PLK5: variants seen among roughly 807,000 people sequenced by gnomAD.
PLK5 encodes the protein polo like kinase 5 (inactive).
In PLK5, 28 loss-of-function variants were observed where a neutral mutation model predicts 33.7. The observed-to-expected ratio is 0.83, with a 90% CI of 0.62 to 1.14. The LOEUF is 1.14. PLK5 is among the 50% of genes most tolerant of loss of function. The pLI is 0.00. For missense variants in PLK5, 492 were observed against 461.5 expected (o/e 1.07, Z -0.61); for synonymous variants, 225 against 202.2 (o/e 1.11, Z -0.96).
chr19:1,528,442 C>T lies in PLK5; in HGVS notation c.328+14C>T, dbSNP rs1913812590. The T allele has an allele frequency of 1.3e-6, 2 of 1,526,688 alleles. No individual in the cohort carries two copies. Among genetic ancestry groups the T allele is most frequent in the South Asian group, 2.4e-5 (2 of 83,032 alleles). The allele number at this position is 1,526,688 out of a possible 1,614,324, so 94.6% of individuals were successfully genotyped here. Reference sequence around the variant, plus strand: ...GCCGGCCACCCTGTAAGTACCACCCCCGCCCACACCTGCCCAACACCTGCC... The same window carrying T: ...GCCGGCCACCCTGTAAGTACCACCCTCGCCCACACCTGCCCAACACCTGCC... On this transcript the variant is annotated intron_variant, in intron 8 of 13. Transcript: ENST00000454744.
intron 13 of PLK5, among the ~76,000 whole-genome samples, chr19:1,534,246 C>A (rs1322000230): frequency 6.6e-6 from 1 of 151,952 alleles, no homozygotes; most frequent in Admixed American, 6.6e-5. Flanking sequence ...CTGTGGTCCA[C>A]ACCTCTAATC....
At chr19:1,533,552 T>C (rs1402435813) in intron 12 of PLK5, among the ~76,000 whole-genome samples, 2 of 152,050 alleles carry the variant, frequency 1.3e-5, no homozygotes, top group Non-Finnish European at 2.9e-5. Flanking sequence ...GTGGACCAGC[T>C]GTCAGCTGAG....
rs950364003 is a variant in PLK5 at position 1,524,563 on chromosome 19, C to T, written c.-544+317C>T. Reference sequence around the variant, plus strand: ...AGGGTCTGAGTGTGCCGCGTCTGTGCCCGCTGCTTCCAAGTGTCTGGGTGC... The same window carrying T: ...AGGGTCTGAGTGTGCCGCGTCTGTGTCCGCTGCTTCCAAGTGTCTGGGTGC... On this transcript the variant is annotated intron_variant, in intron 1 of 13. Transcript: ENST00000454744. This position sits in a 1 kb window ranked among gnomAD's most constrained non-coding sequence, Gnocchi z 4.5. Among the ~76,000 whole-genome samples the T allele has an allele frequency of 6.6e-6, 1 of 151,840 alleles. No homozygotes were observed. The highest frequency in any genetic ancestry group is 1.5e-5 in the Non-Finnish European group (1 of 67,982).
chr19:1,525,021 T>C (rs1805366589), intron 1 of PLK5: 1 of 153,056 alleles, frequency 6.5e-6, no homozygotes, highest in South Asian at 2.1e-4. Context: ...TGTTTGTGTG[T>C]CGTATTCAGG....
At chr19:1,531,004 A>C (rs1913912713) in intron 11 of PLK5, among the ~76,000 whole-genome samples, 1 of 152,008 alleles carries the variant, frequency 6.6e-6, no homozygotes, top group South Asian at 2.1e-4. Context: ...AGGAAGGAGG[A>C]TCACTTGAGC....
In PLK5 at chr19:1,524,850, TTGTG is replaced by T. The variant is rs1363849071; in HGVS notation, c.-543-451_-543-448del. ...GTCCAGGTGTTGTGTGTTCATGTGT[TTGTG>T]TGTTCCTGTGCTGTGTCTGGGTATT... is the stretch of plus-strand genomic sequence containing the variant. On this transcript the variant is annotated intron_variant, in intron 1 of 13. Coordinates refer to ENST00000454744, the MANE Select transcript of PLK5 (RefSeq NM_001243079.2). This position sits in a 1 kb window ranked among gnomAD's most constrained non-coding sequence, Gnocchi z 4.5. The T allele has an allele frequency of 6.5e-6, 1 of 152,954 alleles. No individual in the cohort carries two copies. Among genetic ancestry groups the T allele is most frequent in the Non-Finnish European group, 1.5e-5 (1 of 68,554 alleles). 9.5% of individuals were successfully genotyped at this position (152,954 alleles called of 1,614,324 possible). A position where few individuals can be genotyped will look rare whatever the true frequency, so the allele number is the denominator to read the frequency against.
chr19:1,531,792 T>C lies in PLK5; in HGVS notation c.623T>C (p.Val208Ala). The stretch of plus-strand genomic sequence containing the variant: ...CCCATCCTCTGGGCCCCCAAATGGG[T>C]GGATTATTCCAGCAAATACGGCTTT... ...QQPILWAPKW[V>A]DYSSKYGFGY... Residue 208 changes from valine (V) to alanine (A), a missense_variant, in exon 12 of 14, where the codon GTG (valine) becomes GCG (alanine). Coordinates refer to ENST00000454744, the MANE Select transcript of PLK5 (RefSeq NM_001243079.2). 1 of 1,535,270 alleles carries C rather than the reference T, an allele frequency of 6.5e-7. No individual in the cohort carries two copies. The highest frequency in any genetic ancestry group is 8.7e-7 in the Non-Finnish European group (1 of 1,146,490).
chr19:1,533,937 A>G lies in PLK5; in HGVS notation c.721A>G (p.Thr241Ala), dbSNP rs1398348590. Residue 241 changes from threonine (T) to alanine (A), a missense_variant, in exon 13 of 14, where the codon ACC becomes GCC. By Grantham distance (58) the Thr-to-Ala change is moderately conservative (BLOSUM62 0). Coordinates refer to ENST00000454744, the MANE Select transcript of PLK5 (RefSeq NM_001243079.2). ...CAGCCGAGTCTGTCCACAGGAGGGG[A>G]CCCTCCCCACACCTGTGCCACCTGC... Reference protein sequence around the residue: ...HGPATPRREGTLPTPVPPAGP... With the variant: ...HGPATPRREGALPTPVPPAGP... 2.0e-6 allele frequency: 3 copies of G among 1,532,688 alleles called. No individual in the cohort carries two copies. The East Asian group carries it at 7.3e-5, about 38-fold the overall frequency. The allele number at this position is 1,532,688 out of a possible 1,614,324, so 94.9% of individuals were successfully genotyped here.
At chr19:1,533,643 CA>C (rs1913997264) in intron 12 of PLK5, 1 of 546,392 alleles carries the variant, frequency 1.8e-6, no homozygotes, top group African/African-American at 1.9e-5. Context: ...GCCACCATTC[CA>C]GGGGGTGTAG....
At chr19:1,528,196 A>G in intron 7 of PLK5, 62 bp downstream of exon 7, 1 of 1,531,154 alleles carries the variant, frequency 6.5e-7, no homozygotes, top group South Asian at 1.2e-5. Flanking sequence ...GATGAGCCAG[A>G]GCCTGCCCTG....
At chr19:1,533,040 TGGGA>T (rs1010935037) in intron 12 of PLK5, among the ~76,000 whole-genome samples, 3 of 150,342 alleles carry the variant, frequency 2.0e-5, no homozygotes, top group African/African-American at 7.4e-5. Flanking sequence ...ATGGCTGAGG[TGGGA>T]GGATCACTTG....
chr19:1,527,108 G>C, intron 6 of PLK5, 110 bp downstream of exon 6: 3 of 1,191,364 alleles, frequency 2.5e-6, no homozygotes, highest in Non-Finnish European at 3.5e-6. Flanking sequence ...GGGGCGCGTG[G>C]AACAGGCACC....
intron 11 of PLK5, 29 bp downstream of exon 11, chr19:1,529,853 C>T: frequency 6.5e-7 from 1 of 1,527,150 alleles, no homozygotes; most frequent in Non-Finnish European, 8.8e-7. Context: ...CCCAGGATCA[C>T]CTTTACTCTT....
intron 11 of PLK5, 115 bp from the exon 12 acceptor site, chr19:1,531,623 C>A: frequency 7.7e-7 from 1 of 1,296,152 alleles, no homozygotes; most frequent in Non-Finnish European, 1.0e-6. Flanking sequence ...AGCCTCTGTC[C>A]GGTCCCCGCC....
chr19:1,531,112 C>A (rs963308146), intron 11 of PLK5, among the ~76,000 whole-genome samples: 2 of 150,420 alleles, frequency 1.3e-5, no homozygotes, highest in African/African-American at 4.9e-5. Flanking sequence ...GACAAACAAG[C>A]AAAAACCCAG....
rs1416539950 is a variant in PLK5 at position 1,534,944 on chromosome 19, G to T, written c.826-121G>T. Reference sequence around the variant, plus strand: ...ACCCCGAGTTCCTGTGGCTGGGGCAGGCACTAGGGGCCAGACTGGGGGCTC... The same window carrying T: ...ACCCCGAGTTCCTGTGGCTGGGGCATGCACTAGGGGCCAGACTGGGGGCTC... On this transcript the variant is annotated intron_variant, in intron 13 of 13. Coordinates refer to ENST00000454744, the MANE Select transcript of PLK5 (RefSeq NM_001243079.2). 5.4e-6 allele frequency: 5 copies of T among 919,410 alleles called. No individual in the cohort carries two copies. The Admixed American group carries it at 1.0e-4, about 18-fold the overall frequency. The allele number at this position is 919,410 out of a possible 1,614,324, so 57.0% of individuals were successfully genotyped here. A position where few individuals can be genotyped will look rare whatever the true frequency, so the allele number is the denominator to read the frequency against.
At chr19:1,533,726 T>C in intron 12 of PLK5, 1 of 601,898 alleles carries the variant, frequency 1.7e-6, no homozygotes, top group Non-Finnish European at 3.0e-6. Context: ...CAGCCAAGTG[T>C]GCTACATGCC....
intron 13 of PLK5, 75 bp from the exon 14 acceptor site, chr19:1,534,990 C>T: frequency 7.5e-7 from 1 of 1,326,850 alleles, no homozygotes; most frequent in African/African-American, 1.5e-5. Context: ...GTCCACTTGT[C>T]CTTCTGGAGC....
At position 1,528,033 on chromosome 19, in the gene PLK5, C is replaced by T. The variant is rs1332611366; in HGVS notation, c.100C>T (p.Leu34=). Residue 34 remains leucine (L), a synonymous_variant, in exon 7 of 14, where the codon CTG becomes TTG. Coordinates refer to ENST00000454744, the MANE Select transcript of PLK5 (RefSeq NM_001243079.2). ...GGGCCACTACCCCGAACCCGCTCAC[C>T]TGTCTGCCAATGCGCGCCGCCTCAT... ...REGHYPEPAH[L]SANARRLIVH... is the part of the protein sequence containing the mutation. 5 of 1,536,178 alleles carry T rather than the reference C, an allele frequency of 3.3e-6. No individual in the cohort carries two copies. In the South Asian group the frequency reaches 5.9e-5, roughly 18 times the overall value.
Sources: gnomAD v4.1 joint callset for allele counts (sites outside exome capture counted in the v4.1 genomes callset) on GRCh38, gnomAD v4.1.1 for gene constraint, Gnocchi (gnomAD v3.1) non-coding constraint, MANE v1.5 for transcripts, NCBI Gene and HGNC (gene_info 2026-07-23, HGNC 2026-07-21) for gene names.